Variants in DCAF7 observed in about 807,000 individuals in gnomAD.
The protein encoded by DCAF7 is DDB1- and CUL4-associated factor 7.
A neutral mutation model predicts 41.2 loss-of-function variants in DCAF7; 4 were observed. That is an observed-to-expected ratio of 0.10 (90% confidence interval 0.05 to 0.22). The LOEUF (loss-of-function observed/expected upper bound fraction) is 0.22. DCAF7 is among the 10% of genes least tolerant of loss of function. DCAF7 has a pLI of 1.00. For synonymous variants in DCAF7, 143 were observed against 164.2 expected, an observed-to-expected ratio of 0.87 and a Z score of 0.99; for missense variants, 131 against 443.2, an observed-to-expected ratio of 0.30 and a Z score of 6.32.
At chr17:63,559,307 A>G (rs1568097594) in intron 1 of DCAF7, among the ~76,000 whole-genome samples, 1 of 102,392 alleles carries the variant, frequency 9.8e-6, no homozygotes, top group African/African-American at 5.2e-5. Flanking sequence ...TGAGACCCAT[A>G]TATATATATA....
chr17:63,586,577 A>G (rs1465669781), intron 6 of DCAF7, among the ~76,000 whole-genome samples: 1 of 152,114 alleles, frequency 6.6e-6, no homozygotes, highest in African/African-American at 2.4e-5. Context: ...CATCCTGGCC[A>G]ACATGGTGAA....
rs1027820717 is a variant in DCAF7 at position 63,593,672 on chromosome 17, G to A, written c.*4500G>A. The A allele has an allele frequency of 6.6e-6, 1 of 152,628 alleles. No homozygotes were observed. The highest frequency in any genetic ancestry group is 1.5e-5 in the Non-Finnish European group (1 of 68,034). The allele number at this position is 152,628 out of a possible 1,614,324, so 9.5% of individuals were successfully genotyped here. A position where few individuals can be genotyped will look rare whatever the true frequency, so the allele number is the denominator to read the frequency against. ...TACCATGTGTTATGAAAATTGTTGA[G>A]CTGAAGCTTTGAATCGATTTAGTTG... On this transcript the variant is annotated 3_prime_UTR_variant, in exon 7 of 7. Coordinates refer to ENST00000614556, the MANE Select transcript of DCAF7 (RefSeq NM_005828.5).
At position 63,550,483 on chromosome 17, in the gene DCAF7, C is replaced by T. The variant is rs944878826; in HGVS notation, c.-195C>T. ...CCCAAAACGGAAGGTGGTTGTCGTCCGTTCCCAAGCTGGTTTGAAACTAGG... is the reference window on the plus strand; with the variant it reads ...CCCAAAACGGAAGGTGGTTGTCGTCTGTTCCCAAGCTGGTTTGAAACTAGG... On this transcript the variant is annotated 5_prime_UTR_variant, in exon 1 of 7. Transcript: ENST00000614556. This position sits in a 1 kb window ranked among gnomAD's most constrained non-coding sequence, Gnocchi z 4.8. 2.3e-6 allele frequency: 2 copies of T among 872,480 alleles called. No homozygotes were observed. 54.0% of individuals were successfully genotyped at this position (872,480 alleles called of 1,614,324 possible). A position where few individuals can be genotyped will look rare whatever the true frequency, so the allele number is the denominator to read the frequency against.
intron 1 of DCAF7, among the ~76,000 whole-genome samples, chr17:63,568,715 C>G (rs1320556517): frequency 1.3e-5 from 2 of 152,124 alleles, no homozygotes; most frequent in Non-Finnish European, 2.9e-5. Context: ...AATCGGAAGG[C>G]AAGAATGAGC....
chr17:63,567,845 A>G (rs574493068), intron 1 of DCAF7, among the ~76,000 whole-genome samples: 57 of 151,780 alleles, frequency 3.8e-4, no homozygotes, highest in Non-Finnish European at 7.4e-5. Flanking sequence ...TACTTCTTAC[A>G]GAGATGGGAT....
Position 63,552,020 on chromosome 17 carries a change from G to A in DCAF7, c.138+1205G>A, listed in dbSNP as rs951694155. Reference sequence around the variant, plus strand: ...TTGAACCTGGGAGGCGGAGGTTGCAGTGAGCCGAGATGGCGCCACTGCACT... The same window carrying A: ...TTGAACCTGGGAGGCGGAGGTTGCAATGAGCCGAGATGGCGCCACTGCACT... On this transcript the variant is annotated intron_variant, in intron 1 of 6. Transcript: ENST00000614556. Among the ~76,000 whole-genome samples the A allele has an allele frequency of 9.3e-5, 14 of 150,884 alleles. No individual in the cohort carries two copies. In the East Asian group the frequency reaches 2.2e-3, roughly 23 times the overall value.
At position 63,579,899 on chromosome 17, in the gene DCAF7, G is replaced by T; in HGVS notation, c.484G>T (p.Val162Leu). ...GCAGGTGTTAGGGCGAGTGAATCTC[G>T]TGTCTGGCCACGTGAAGACCCAGCT... ...TGQVLGRVNLVSGHVKTQLIA... is the reference protein window; with the variant it reads ...TGQVLGRVNLLSGHVKTQLIA... Residue 162 changes from valine to leucine, a missense_variant, in exon 4 of 7, where the codon GTG becomes TTG. Val to Leu is a conservative substitution (Grantham distance 32). Coordinates refer to ENST00000614556, the MANE Select transcript of DCAF7 (RefSeq NM_005828.5). 1.2e-6 allele frequency: 2 copies of T among 1,613,892 alleles called. No individual in the cohort carries two copies. Among genetic ancestry groups the T allele is most frequent in the Non-Finnish European group, 1.7e-6 (2 of 1,179,828 alleles).
intron 2 of DCAF7, 98 bp downstream of exon 2, chr17:63,578,726 G>A (rs1042998308): frequency 3.3e-6 from 5 of 1,517,068 alleles, no homozygotes; most frequent in Non-Finnish European, 4.5e-6. Context: ...CAGAGGCAGC[G>A]AGTGTCATTG....
At chr17:63,584,147 C>G (rs2033652880) in intron 5 of DCAF7, among the ~76,000 whole-genome samples, 1 of 152,204 alleles carries the variant, frequency 6.6e-6, no homozygotes, top group Non-Finnish European at 1.5e-5. Flanking sequence ...TGGACAGATT[C>G]ATCTAGCTTT....
intron 4 of DCAF7, among the ~76,000 whole-genome samples, chr17:63,582,922 C>T (rs980628904): frequency 6.6e-6 from 1 of 152,244 alleles, no homozygotes; most frequent in African/African-American, 2.4e-5. Flanking sequence ...GAAGAAAAAA[C>T]ATGTCCTAGG....
intron 1 of DCAF7, among the ~76,000 whole-genome samples, chr17:63,556,682 C>G (rs2033314738): frequency 6.6e-6 from 1 of 151,976 alleles, no homozygotes; most frequent in Non-Finnish European, 1.5e-5. Flanking sequence ...GCCTGACCAA[C>G]ATGGTGAAAC....
intron 1 of DCAF7, among the ~76,000 whole-genome samples, chr17:63,561,764 C>T (rs147810319): frequency 2.6e-5 from 4 of 151,910 alleles, no homozygotes; most frequent in East Asian, 1.9e-4. Context: ...TTGCATTCAA[C>T]GGAAAATTCA....
At chr17:63,556,015 AC>A (rs1192698214) in intron 1 of DCAF7, among the ~76,000 whole-genome samples, 16 of 152,318 alleles carry the variant, frequency 1.1e-4, no homozygotes, top group African/African-American at 3.8e-4. Context: ...ATAGGGCAGG[AC>A]CTTGGGTACC....
At position 63,578,739 on chromosome 17, in the gene DCAF7, G is replaced by GT. The variant is rs2033588925; in HGVS notation, c.297+111_297+112insT. 6.9e-6 allele frequency: 10 copies of GT among 1,444,576 alleles called. No homozygotes were observed. The South Asian group carries it at 1.1e-4, about 16-fold the overall frequency. The allele number at this position is 1,444,576 out of a possible 1,614,324, so 89.5% of individuals were successfully genotyped here. A position where few individuals can be genotyped will look rare whatever the true frequency, so the allele number is the denominator to read the frequency against. ...GTCAGAGGCAGCGAGTGTCATTGCA[G>GT]CACAGGAGAAGCAAGCGAAGCTTAA... On this transcript the variant is annotated intron_variant, in intron 2 of 6. Coordinates refer to ENST00000614556, the MANE Select transcript of DCAF7 (RefSeq NM_005828.5).
intron 1 of DCAF7, among the ~76,000 whole-genome samples, chr17:63,554,040 C>T (rs1436889587): frequency 6.6e-6 from 1 of 152,098 alleles, no homozygotes; most frequent in Non-Finnish European, 1.5e-5. Flanking sequence ...CCTGACTCTA[C>T]AAAAACATTA....
At chr17:63,580,662 GT>G (rs1328579863) in intron 4 of DCAF7, among the ~76,000 whole-genome samples, 1 of 151,746 alleles carries the variant, frequency 6.6e-6, no homozygotes, top group Non-Finnish European at 1.5e-5. Context: ...GAGATTACAG[GT>G]GCCCGCAACC....
chr17:63,553,573 G>A (rs891373363), intron 1 of DCAF7, among the ~76,000 whole-genome samples: 11 of 152,288 alleles, frequency 7.2e-5, no homozygotes, highest in Non-Finnish European at 1.6e-4. Flanking sequence ...TTATTGGTTG[G>A]AATTTTTAGA....
intron 1 of DCAF7, among the ~76,000 whole-genome samples, chr17:63,557,793 A>C (rs144896828): frequency 6.6e-6 from 1 of 152,362 alleles, no homozygotes; most frequent in African/African-American, 2.4e-5. Flanking sequence ...TGAAGTGATA[A>C]GTTCAAATTG....
chr17:63,573,323 G>A (rs1297104531), intron 1 of DCAF7: 1 of 152,178 alleles, frequency 6.6e-6, no homozygotes, highest in East Asian at 1.9e-4. Context: ...TGATTTGAGT[G>A]TGTGTGCTGC....
Sources: gnomAD v4.1 joint callset for allele counts (sites outside exome capture counted in the v4.1 genomes callset) on GRCh38, gnomAD v4.1.1 for gene constraint, Gnocchi (gnomAD v3.1) non-coding constraint, MANE v1.5 for transcripts, NCBI Gene and HGNC (gene_info 2026-07-23, HGNC 2026-07-21) for gene names.